The following FGD2 variants were observed in gnomAD, a reference collection of about 807,000 sequenced individuals.
FGD2 encodes the protein FYVE, RhoGEF and PH domain containing 2.
In FGD2, 52 loss-of-function variants were observed where a neutral mutation model predicts 75.9. The ratio of observed to expected loss-of-function variants is 0.69; its 90% CI spans 0.55 to 0.86. The LOEUF (loss-of-function observed/expected upper bound fraction) is 0.86, where lower values mean the gene tolerates loss of function less well. FGD2 is among the 40% of genes least tolerant of loss of function. The pLI is 0.00. For missense variants in FGD2, 790 were observed against 872.0 expected, an observed-to-expected ratio of 0.91 and a Z score of 1.18; for synonymous variants, 347 against 348.6, an observed-to-expected ratio of 1.00 and a Z score of 0.05.
chr6:37,025,670 G>A (rs953810633), intron 13 of FGD2, 122 bp from the exon 14 acceptor site: 16 of 1,046,468 alleles, frequency 1.5e-5, no homozygotes, highest in African/African-American at 3.1e-5. Context: ...TTCCTCCCTC[G>A]AAGCTTTCTT....
chr6:37,011,984 C>A, intron 4 of FGD2, 130 bp downstream of exon 4: 1 of 994,626 alleles, frequency 1.0e-6, no homozygotes, highest in South Asian at 1.8e-5. Flanking sequence ...CTCCCTGGGG[C>A]TCGGTCTGTC....
chr6:37,008,848 C>T lies in FGD2; in HGVS notation c.83C>T (p.Ala28Val), dbSNP rs762395833. Residue 28 changes from alanine to valine, a missense_variant, in exon 2 of 16, where the codon GCA (alanine) becomes GTA (valine). By Grantham distance (64) the Ala-to-Val change is moderately conservative. Transcript: ENST00000274963. ...VFENSRTPEA[A>V]PRGQRLEDVH... ...CTTCTCCTCAGGACCCCAGAAGCAGCACCCAGAGGCCAGAGGCTAGAGGAC... is the reference window on the plus strand; with the variant it reads ...CTTCTCCTCAGGACCCCAGAAGCAGTACCCAGAGGCCAGAGGCTAGAGGAC... 2 of 1,592,670 alleles carry T rather than the reference C, an allele frequency of 1.3e-6. No individual in the cohort carries two copies. The highest frequency in any genetic ancestry group is 1.7e-6 in the Non-Finnish European group (2 of 1,166,342).
chr6:37,009,060 A>T lies in FGD2; in HGVS notation c.295A>T (p.Thr99Ser), dbSNP rs1385790419. Reference sequence around the variant, plus strand: ...GCCTGTGACCCTCTCAGGATCGGGGACGCAGGTGCCTGAGGGCTGAGGTAG... The same window carrying T: ...GCCTGTGACCCTCTCAGGATCGGGGTCGCAGGTGCCTGAGGGCTGAGGTAG... ...CQPVTLSGSG[T>S]QEPEKKIVQE... is the part of the protein sequence containing the mutation. Residue 99 changes from threonine (T) to serine (S), a missense_variant, in exon 2 of 16, where the codon ACG becomes TCG. Transcript: ENST00000274963. 18 of 1,613,750 alleles carry T rather than the reference A, an allele frequency of 1.1e-5. No homozygotes were observed. Among genetic ancestry groups the T allele is most frequent in the Non-Finnish European group, 1.4e-5 (17 of 1,179,908 alleles).
Position 37,022,239 on chromosome 6 carries a change from C to T in FGD2, c.1327C>T (p.Leu443=). ...CTGCCCAACTCCCCTTAACCCACAG[C>T]TGCAGTCTGAGGAGCTGGGCCTCCG... The part of the protein sequence containing the change: ...GPEGDIQEQE[L]QSEELGLRAP... The change falls in exon 13 of 16, where the codon CTG becomes TTG. Residue 443 remains leucine (L), a splice_region_variant and synonymous_variant. Coordinates refer to ENST00000274963, the MANE Select transcript of FGD2 (RefSeq NM_173558.4). The T allele has an allele frequency of 1.1e-5, 18 of 1,599,044 alleles. No individual in the cohort carries two copies. The highest frequency in any genetic ancestry group is 1.5e-5 in the Non-Finnish European group (18 of 1,172,330).
intron 4 of FGD2, chr6:37,012,902 C>T (rs1453542145): frequency 6.7e-6 from 1 of 149,868 alleles, no homozygotes; most frequent in Non-Finnish European, 1.5e-5. Flanking sequence ...CAGGCCATGG[C>T]CATGGCTCCC....
At chr6:37,015,490 C>A (rs965675990) in intron 8 of FGD2, among the ~76,000 whole-genome samples, 1 of 152,178 alleles carries the variant, frequency 6.6e-6, no homozygotes, top group Admixed American at 6.5e-5. Context: ...CATCCTGAGC[C>A]CCTGTTGAGA....
At chr6:37,015,931 G>T in intron 9 of FGD2, 71 bp downstream of exon 9, 1 of 1,373,622 alleles carries the variant, frequency 7.3e-7, no homozygotes, top group Non-Finnish European at 9.9e-7. Context: ...TAAGAGGAGG[G>T]GCCAACCAGG....
intron 9 of FGD2, among the ~76,000 whole-genome samples, chr6:37,018,502 C>T (rs1421661659): frequency 1.3e-5 from 2 of 152,196 alleles, no homozygotes; most frequent in African/African-American, 4.8e-5. Flanking sequence ...CTCCTCCTTC[C>T]TAGGTGTCAG....
At chr6:37,013,334 T>C in intron 4 of FGD2, 2 of 636,096 alleles carry the variant, frequency 3.1e-6, no homozygotes, top group Non-Finnish European at 4.6e-6. Context: ...AATGAAGCAC[T>C]GAGCAGTTAC....
chr6:37,025,975 C>T, intron 14 of FGD2, 37 bp downstream of exon 14: 5 of 1,610,514 alleles, frequency 3.1e-6, no homozygotes, highest in Non-Finnish European at 4.2e-6. Context: ...CATCCGTCCT[C>T]TGTTCAGGGA....
intron 12 of FGD2, 33 bp from the exon 13 acceptor site, chr6:37,022,206 G>T (rs375919071): frequency 1.9e-6 from 3 of 1,588,230 alleles, no homozygotes; most frequent in Non-Finnish European, 2.6e-6. Flanking sequence ...GTCACCAAGG[G>T]CCCATTCCTG....
chr6:37,020,524 C>G lies in FGD2; in HGVS notation c.1123-17C>G. 6.3e-7 allele frequency: 1 copy of G among 1,596,772 alleles called. No homozygotes were observed. The highest frequency in any genetic ancestry group is 8.5e-7 in the Non-Finnish European group (1 of 1,172,662). On this transcript the variant is annotated splice_polypyrimidine_tract_variant and intron_variant, in intron 9 of 15. Transcript: ENST00000274963. ...GCTATGATGAGTCTGAACTGGTTGC[C>G]TCCCTCCTCTTGGCAGGTGCGGGAG...
chr6:37,019,716 C>T lies in FGD2; in HGVS notation c.1123-825C>T, dbSNP rs149043087. On this transcript the variant is annotated intron_variant, in intron 9 of 15. Transcript: ENST00000274963. ...AACCTGGGGTGGAATCCTTCTTTTGCCCCTTAGGTGCTGTGTGACCTCAGG... is the reference window on the plus strand; with the variant it reads ...AACCTGGGGTGGAATCCTTCTTTTGTCCCTTAGGTGCTGTGTGACCTCAGG... Among the ~76,000 whole-genome samples, 83 of 152,278 alleles carry T rather than the reference C, an allele frequency of 5.5e-4. No individual in the cohort carries two copies. The Middle Eastern group carries it at 0.014, about 25-fold the overall frequency.
At chr6:37,020,240 T>C (rs926561736) in intron 9 of FGD2, among the ~76,000 whole-genome samples, 9 of 152,238 alleles carry the variant, frequency 5.9e-5, no homozygotes, top group African/African-American at 1.7e-4. Context: ...AGTTTTGAAA[T>C]CTAATTTCCT....
In FGD2 at chr6:37,028,311, G is replaced by A. The variant is rs755955182; in HGVS notation, c.*148G>A. 14 of 727,566 alleles carry A rather than the reference G, an allele frequency of 1.9e-5. No homozygotes were observed. Among genetic ancestry groups the A allele is most frequent in the Admixed American group, 6.0e-5 (2 of 33,334 alleles). The allele number at this position is 727,566 out of a possible 1,614,324, so 45.1% of individuals were successfully genotyped here. On this transcript the variant is annotated 3_prime_UTR_variant, in exon 16 of 16. Transcript: ENST00000274963. ...CATCTGCGCCCAGGCCACGTGTCCC[G>A]ATCTGGGATTAGAAAATATGGGTCC...
At position 37,014,954 on chromosome 6, in the gene FGD2, C is replaced by A. The variant is rs1765210110; in HGVS notation, c.945C>A (p.Asp315Glu). The change falls in exon 8 of 16, where the codon GAC becomes GAA. Residue 315 changes from aspartate (D) to glutamate (E), a missense_variant. By Grantham distance (45) the Asp-to-Glu change is conservative. Transcript: ENST00000274963. ...QRLGLEDDIV[D>E]PSNTLLREGP... is the part of the protein sequence containing the mutation. ...TGGGCCTCGAGGACGACATAGTAGA[C>A]CCCTCTAACACCCTGCTCCGTGAGG... is the stretch of plus-strand genomic sequence containing the variant. 6.2e-7 allele frequency: 1 copy of A among 1,614,162 alleles called. No individual in the cohort carries two copies. Among genetic ancestry groups the A allele is most frequent in the Non-Finnish European group, 8.5e-7 (1 of 1,180,008 alleles).
chr6:37,026,131 G>A lies in FGD2; in HGVS notation c.1605+193G>A, dbSNP rs1765812416. 1.1e-5 allele frequency: 11 copies of A among 985,244 alleles called. No individual in the cohort carries two copies. The South Asian group carries it at 4.7e-4, about 42-fold the overall frequency. 61.0% of individuals were successfully genotyped at this position (985,244 alleles called of 1,614,324 possible). A position where few individuals can be genotyped will look rare whatever the true frequency, so the allele number is the denominator to read the frequency against. ...CCACAGCCCAGGCAGTGTGGAGCCT[G>A]TCACCAAATGGAGGCACCCTTTGGC... On this transcript the variant is annotated intron_variant, in intron 14 of 15. Coordinates refer to ENST00000274963, the MANE Select transcript of FGD2 (RefSeq NM_173558.4).
At position 37,011,869 on chromosome 6, in the gene FGD2, G is replaced by A. The variant is rs1488856364; in HGVS notation, c.527+15G>A. ...CTGGACGACTGGTGAGGTCCACCAGGAGCCCCTGAGGCCTCAGACCACAGC... is the reference window on the plus strand; with the variant it reads ...CTGGACGACTGGTGAGGTCCACCAGAAGCCCCTGAGGCCTCAGACCACAGC... On this transcript the variant is annotated intron_variant, in intron 4 of 15. Coordinates refer to ENST00000274963, the MANE Select transcript of FGD2 (RefSeq NM_173558.4). 2 of 1,612,492 alleles carry A rather than the reference G, an allele frequency of 1.2e-6. No individual in the cohort carries two copies. Among genetic ancestry groups the A allele is most frequent in the Non-Finnish European group, 1.7e-6 (2 of 1,179,350 alleles).
In FGD2 at chr6:37,011,705, G is replaced by T; in HGVS notation, c.379-1G>T. 1 of 1,614,092 alleles carries T rather than the reference G, an allele frequency of 6.2e-7. No individual in the cohort carries two copies. The highest frequency in any genetic ancestry group is 1.1e-5 in the South Asian group (1 of 91,074). ...TGAGTGACCTGTCGTGGCGGCTACA[G>T]GTGTTTTTCCAGGAGCTGCTGAAGA... On this transcript the variant is annotated splice_acceptor_variant, in intron 3 of 15. Coordinates refer to ENST00000274963, the MANE Select transcript of FGD2 (RefSeq NM_173558.4). LOFTEE classifies it high-confidence loss of function.
Sources: allele counts gnomAD v4.1 joint callset (sites outside exome capture counted in the v4.1 genomes callset), GRCh38; gene constraint gnomAD v4.1.1; transcripts MANE v1.5; gene names NCBI Gene and HGNC (gene_info 2026-07-23, HGNC 2026-07-21).